Variants in DLG2 observed in about 807,000 individuals in gnomAD.
DLG2 encodes discs large MAGUK scaffold protein 2, also known as disks large homolog 2.
DLG2 carries 45 observed loss-of-function variants against 132.5 expected under a neutral mutation model. That is an observed-to-expected ratio of 0.34 (90% CI 0.27 to 0.44). The LOEUF (loss-of-function observed/expected upper bound fraction) is 0.44, where lower values mean the gene tolerates loss of function less well. DLG2 is among the 20% of genes least tolerant of loss of function. The pLI is 1.00. For missense variants in DLG2, 1,045 were observed against 1,196.9 expected (o/e 0.87, Z 1.87); for synonymous variants, 424 against 419.6 (o/e 1.01, Z -0.13).
intron 6 of DLG2, among the ~76,000 whole-genome samples, chr11:84,799,332 A>G (rs540090979): frequency 5.3e-5 from 8 of 152,208 alleles, no homozygotes; most frequent in Admixed American, 2.6e-4. Flanking sequence ...AAATCCCTCC[A>G]GCTGCTGTGC....
chr11:83,546,519 C>T (rs1313402234), intron 19 of DLG2, among the ~76,000 whole-genome samples: 1 of 152,146 alleles, frequency 6.6e-6, no homozygotes, highest in East Asian at 1.9e-4. Flanking sequence ...AAGTACCCAA[C>T]ACAGGTGAGT....
chr11:85,185,364 T>G (rs1352420610), intron 4 of DLG2, among the ~76,000 whole-genome samples: 1 of 152,048 alleles, frequency 6.6e-6, no homozygotes, highest in Non-Finnish European at 1.5e-5. Flanking sequence ...AGACAGGATA[T>G]GGGTTAAAGA....
chr11:85,038,826 TG>T (rs1432152489), intron 6 of DLG2, among the ~76,000 whole-genome samples: 2 of 151,964 alleles, frequency 1.3e-5, no homozygotes, highest in African/African-American at 4.8e-5. Flanking sequence ...ACACCACATA[TG>T]GTTAGAAGAC....
chr11:84,897,141 C>CAT (rs5793146), intron 6 of DLG2, among the ~76,000 whole-genome samples: 1,724 of 149,758 alleles, frequency 0.012, 16 homozygotes, highest in Non-Finnish European at 0.019. Context: ...GTACTAGTTA[C>CAT]ATATATATAT....
At chr11:84,359,456 A>G (rs921711985) in intron 7 of DLG2, among the ~76,000 whole-genome samples, 1 of 151,942 alleles carries the variant, frequency 6.6e-6, no homozygotes, top group Non-Finnish European at 1.5e-5. Flanking sequence ...GAGTTAATAC[A>G]TTTCCCGAAA....
intron 3 of DLG2, among the ~76,000 whole-genome samples, chr11:85,458,795 A>G (rs1012481150): frequency 2.0e-5 from 3 of 152,122 alleles, no homozygotes; most frequent in African/African-American, 7.2e-5. Flanking sequence ...TTATTTCCTC[A>G]TGATTGCAGC....
intron 4 of DLG2, among the ~76,000 whole-genome samples, chr11:85,261,435 G>A (rs879893619): frequency 3.3e-5 from 5 of 152,144 alleles, no homozygotes; most frequent in Admixed American, 3.3e-4. Context: ...TGGCATTAGG[G>A]TGGAGGTCTC....
intron 4 of DLG2, among the ~76,000 whole-genome samples, chr11:85,222,700 C>A (rs76463124): frequency 6.6e-6 from 1 of 152,258 alleles, no homozygotes; most frequent in African/African-American, 2.4e-5. Flanking sequence ...TATGTTTGTT[C>A]TTGAGATAGA....
At chr11:83,701,853 G>A (rs2083005829) in intron 18 of DLG2, among the ~76,000 whole-genome samples, 1 of 152,178 alleles carries the variant, frequency 6.6e-6, no homozygotes, top group African/African-American at 2.4e-5. Flanking sequence ...GGTAAGCCTG[G>A]AGAGGCCTAG....
intron 7 of DLG2, among the ~76,000 whole-genome samples, chr11:84,443,565 C>A (rs2099023845): frequency 6.6e-6 from 1 of 152,092 alleles, no homozygotes; most frequent in South Asian, 2.1e-4. Flanking sequence ...TTCTATATAA[C>A]ACAGTGTAAT....
At chr11:83,626,096 G>A (rs759737202) in intron 19 of DLG2, among the ~76,000 whole-genome samples, 2 of 152,306 alleles carry the variant, frequency 1.3e-5, no homozygotes, top group Non-Finnish European at 2.9e-5. Flanking sequence ...TGCAGGTCCA[G>A]TATTGAATAA....
chr11:83,511,713 T>G (rs1463260303), intron 21 of DLG2, among the ~76,000 whole-genome samples: 2 of 149,720 alleles, frequency 1.3e-5, no homozygotes, highest in East Asian at 3.9e-4. Flanking sequence ...AGAGGGAATG[T>G]AAAAGAAGCA....
chr11:83,750,377 ATAGT>A (rs1368268444), intron 18 of DLG2, among the ~76,000 whole-genome samples: 1 of 152,170 alleles, frequency 6.6e-6, no homozygotes, highest in Non-Finnish European at 1.5e-5. Flanking sequence ...GAAATCCAAT[ATAGT>A]TAAAGAGCAG....
At position 84,210,545 on chromosome 11, in the gene DLG2, AAG is replaced by A. The variant is rs1187650358; in HGVS notation, c.573+40691_573+40692del. On this transcript the variant is annotated intron_variant, in intron 8 of 27. Transcript: ENST00000376104. ...AAAACTTAAATTAAAAAAAAAAAAA[AAG>A]AATCTTCATTGCAGCTTTATTCAGA... Among the ~76,000 whole-genome samples, 10 of 13,474 alleles carry A rather than the reference AAG, an allele frequency of 7.4e-4. No homozygotes were observed. In the Admixed American group the frequency reaches 0.011, roughly 15 times the overall value. The allele number at this position is 13,474 out of a possible 152,430, so 8.8% of individuals were successfully genotyped here.
chr11:85,049,442 T>G (rs1282665612), intron 6 of DLG2, among the ~76,000 whole-genome samples: 1 of 138,848 alleles, frequency 7.2e-6, no homozygotes, highest in Non-Finnish European at 1.7e-5. Flanking sequence ...GCTATATCAT[T>G]AGATAAAAAT....
At chr11:84,376,283 G>A (rs975956201) in intron 7 of DLG2, among the ~76,000 whole-genome samples, 1 of 151,896 alleles carries the variant, frequency 6.6e-6, no homozygotes, top group Non-Finnish European at 1.5e-5. Flanking sequence ...CTATGTAAAG[G>A]AGATTGAGGA....
intron 21 of DLG2, among the ~76,000 whole-genome samples, chr11:83,518,408 G>T (rs1167564613): frequency 1.3e-5 from 2 of 152,192 alleles, no homozygotes; most frequent in African/African-American, 2.4e-5. Context: ...GATTTTCCAG[G>T]TGCCATCTGT....
chr11:85,609,549 T>C lies in DLG2; in HGVS notation c.-92-10761A>G, dbSNP rs78704977. The stretch of plus-strand genomic sequence containing the variant: ...GTTTACAAGGACACTTTAAAAAAGA[T>C]TGTCCAATGAGAAACAAGCTGCCCC... On this transcript the variant is annotated intron_variant, in intron 2 of 27. Transcript: ENST00000376104. Among the ~76,000 whole-genome samples the C allele has an allele frequency of 2.4e-3, 368 of 152,240 alleles. 1 individual carries two copies. Among genetic ancestry groups the C allele is most frequent in the East Asian group, 0.019 (97 of 5,170 alleles).
At chr11:84,006,601 C>A (rs973068978) in intron 11 of DLG2, among the ~76,000 whole-genome samples, 32 of 150,634 alleles carry the variant, frequency 2.1e-4, no homozygotes, top group African/African-American at 7.6e-4. Flanking sequence ...CTGCTTTGAT[C>A]ATTACATATT....
Sources: allele counts gnomAD v4.1 joint callset (sites outside exome capture counted in the v4.1 genomes callset), GRCh38; gene constraint gnomAD v4.1.1; transcripts MANE v1.5; gene names NCBI Gene and HGNC (gene_info 2026-07-23, HGNC 2026-07-21).